Variants in ZNF254 observed in about 807,000 individuals in gnomAD.
ZNF254 encodes zinc finger protein 254.
A neutral mutation model predicts 12.4 loss-of-function variants in ZNF254; 10 were observed. The observed-to-expected ratio is 0.80, with a 90% confidence interval of 0.50 to 1.36. ZNF254 has a LOEUF of 1.36. Among genes scored for constraint, ZNF254 ranks in the 40% most tolerant of loss-of-function variants. The probability of loss-of-function intolerance (pLI) is 0.00; values close to 1 mark genes in which losing one functional copy is unlikely to be tolerated. For missense variants in ZNF254, 996 were observed against 763.9 expected (o/e 1.30, Z -3.58); for synonymous variants, 305 against 253.4 (o/e 1.20, Z -1.93).
At chr19:24,069,491 G>A (rs968150962) in intron 2 of ZNF254, among the ~76,000 whole-genome samples, 1 of 149,550 alleles carries the variant, frequency 6.7e-6, no homozygotes. Flanking sequence ...TCTAATCCCA[G>A]CTACTCAGGA....
chr19:24,121,427 C>T (rs924552069), intron 3 of ZNF254, among the ~76,000 whole-genome samples: 1 of 152,140 alleles, frequency 6.6e-6, no homozygotes, highest in African/African-American at 2.4e-5. Flanking sequence ...TAGTATATAT[C>T]ATAATTGTGC....
intron 1 of ZNF254, among the ~76,000 whole-genome samples, chr19:24,037,397 C>T (rs1424335508): frequency 6.6e-6 from 1 of 152,160 alleles, no homozygotes; most frequent in Non-Finnish European, 1.5e-5. Flanking sequence ...CTTTCCTTTT[C>T]TTAAAGCATT....
chr19:24,127,951 A>G lies in ZNF254; in HGVS notation c.1951A>G (p.Thr651Ala), dbSNP rs1975018966. 1 of 1,570,430 alleles carries G rather than the reference A, an allele frequency of 6.4e-7. No homozygotes were observed. Among genetic ancestry groups the G allele is most frequent in the Non-Finnish European group, 8.6e-7 (1 of 1,163,680 alleles). ...CTCGCACCTCACCACAGATAAGATA[A>G]CTCATTGGAGAGAAATCTTACAAGT... The part of the protein sequence containing the change: ...RSSHLTTDKI[T>A]HWREILQV The change falls in exon 4 of 4, where the codon ACT becomes GCT. Residue 651 changes from threonine to alanine, a missense_variant. Coordinates refer to ENST00000357002, the MANE Select transcript of ZNF254 (RefSeq NM_203282.4).
At chr19:24,115,706 A>G (rs1235826536) in intron 3 of ZNF254, among the ~76,000 whole-genome samples, 1 of 152,104 alleles carries the variant, frequency 6.6e-6, no homozygotes, top group Non-Finnish European at 1.5e-5. Context: ...AATAAAGTTA[A>G]TATTGTTATG....
rs755425292 is a variant in ZNF254 at position 24,126,624 on chromosome 19, G to A, written c.624G>A (p.Lys208=). ...ACAAAAGCATTTATCATAGAGAGAA[G>A]TCCTACAAATGTAAAGAATGTGGAA... ...TQHKSIYHRE[K]SYKCKECGKT... is the part of the protein sequence containing the mutation. The change falls in exon 4 of 4, where the codon AAG becomes AAA. Residue 208 remains lysine, a synonymous_variant. Transcript: ENST00000357002. 6 of 1,609,468 alleles carry A rather than the reference G, an allele frequency of 3.7e-6. No homozygotes were observed. The East Asian group carries it at 6.7e-5, about 18-fold the overall frequency.
intron 1 of ZNF254, among the ~76,000 whole-genome samples, chr19:24,040,134 G>A (rs1215769878): frequency 6.6e-6 from 1 of 152,046 alleles, no homozygotes; most frequent in East Asian, 1.9e-4. Context: ...CCAGACCTAT[G>A]CTCTATGAGC....
chr19:24,114,901 G>A (rs1973933610), intron 3 of ZNF254, among the ~76,000 whole-genome samples: 1 of 152,250 alleles, frequency 6.6e-6, no homozygotes, highest in Non-Finnish European at 1.5e-5. Flanking sequence ...AGACATTTAT[G>A]CAGCCAAAAA....
At chr19:24,041,749 G>C (rs1486222500) in intron 1 of ZNF254, among the ~76,000 whole-genome samples, 1 of 152,268 alleles carries the variant, frequency 6.6e-6, no homozygotes, top group Non-Finnish European at 1.5e-5. Context: ...CCCGGTGCGG[G>C]ATCCACTAGG....
In ZNF254 at chr19:24,106,724, G is replaced by A. The variant is rs189833106; in HGVS notation, c.253+81G>A. Reference sequence around the variant, plus strand: ...AAAGCCACTCTTTAAAGTGATTTAAGAAGCTGTGATCCAAAGGAAATAGTT... The same window carrying A: ...AAAGCCACTCTTTAAAGTGATTTAAAAAGCTGTGATCCAAAGGAAATAGTT... On this transcript the variant is annotated intron_variant, in intron 3 of 3. Coordinates refer to ENST00000357002, the MANE Select transcript of ZNF254 (RefSeq NM_203282.4). The A allele has an allele frequency of 1.8e-4, 219 of 1,244,362 alleles. No individual in the cohort carries two copies. In the African/African-American group the frequency reaches 3.2e-3, roughly 18 times the overall value. 77.1% of individuals were successfully genotyped at this position (1,244,362 alleles called of 1,614,324 possible). A position where few individuals can be genotyped will look rare whatever the true frequency, so the allele number is the denominator to read the frequency against.
In ZNF254 at chr19:24,126,653, CCTT is replaced by C; in HGVS notation, c.654_656del (p.Phe219del). ...TACAAATGTAAAGAATGTGGAAAAACCTTTAATTGGTCCTCAACCCTTACTAAT... is the reference window on the plus strand; with the variant it reads ...TACAAATGTAAAGAATGTGGAAAAACTAATTGGTCCTCAACCCTTACTAAT... On this transcript the variant is annotated inframe_deletion, in exon 4 of 4. Coordinates refer to ENST00000357002, the MANE Select transcript of ZNF254 (RefSeq NM_203282.4). 1 of 1,612,016 alleles carries C rather than the reference CCTT, an allele frequency of 6.2e-7. No homozygotes were observed. The highest frequency in any genetic ancestry group is 8.5e-7 in the Non-Finnish European group (1 of 1,179,442).
At chr19:24,098,483 C>CT (rs1358711184) in intron 1 of ZNF254, 4 of 152,148 alleles carry the variant, frequency 2.6e-5, no homozygotes, top group Admixed American at 2.0e-4. Context: ...CCTTCAATGG[C>CT]TAGATGAGCG....
At chr19:24,096,320 A>C (rs1972669594) in intron 1 of ZNF254, among the ~76,000 whole-genome samples, 1 of 151,934 alleles carries the variant, frequency 6.6e-6, no homozygotes, top group Non-Finnish European at 1.5e-5. Context: ...CAGCCTCCCA[A>C]AGTGCTGGGA....
At chr19:24,066,502 A>T (rs1486735282) in intron 2 of ZNF254, 1 of 152,082 alleles carries the variant, frequency 6.6e-6, no homozygotes, top group East Asian at 1.9e-4. Context: ...TGGGTTTAAC[A>T]CTCAGGTGAT....
intron 2 of ZNF254, among the ~76,000 whole-genome samples, chr19:24,060,613 A>G (rs1380591840): frequency 1.3e-5 from 2 of 152,078 alleles, no homozygotes; most frequent in East Asian, 1.9e-4. Flanking sequence ...CGCCTGGTCC[A>G]TGCACACAAA....
At chr19:24,074,982 A>G (rs1971607952) in intron 2 of ZNF254, among the ~76,000 whole-genome samples, 1 of 152,248 alleles carries the variant, frequency 6.6e-6, no homozygotes, top group African/African-American at 2.4e-5. Flanking sequence ...TCTGCCCAAA[A>G]TATGACTCAT....
At chr19:24,060,332 C>T (rs1568432548) in intron 2 of ZNF254, among the ~76,000 whole-genome samples, 1 of 152,176 alleles carries the variant, frequency 6.6e-6, no homozygotes, top group African/African-American at 2.4e-5. Flanking sequence ...CTCTTCTTCA[C>T]AGATTCTGCT....
chr19:24,073,544 C>T (rs1306057663), intron 2 of ZNF254, among the ~76,000 whole-genome samples: 2 of 152,180 alleles, frequency 1.3e-5, no homozygotes, highest in Non-Finnish European at 1.5e-5. Flanking sequence ...CATGCACACC[C>T]AGCCGACAGT....
intron 1 of ZNF254, among the ~76,000 whole-genome samples, chr19:24,035,590 T>A (rs1174543253): frequency 6.6e-6 from 1 of 152,010 alleles, no homozygotes; most frequent in African/African-American, 2.4e-5. Context: ...GGAGAATAAC[T>A]TGAATCTGGG....
At chr19:24,106,697 A>G in intron 3 of ZNF254, 54 bp downstream of exon 3, 1 of 1,409,886 alleles carries the variant, frequency 7.1e-7, no homozygotes, top group South Asian at 1.2e-5. Context: ...AAAGTCAAGA[A>G]GAAAGCCACT....
Sources: gnomAD v4.1 joint callset for allele counts (sites outside exome capture counted in the v4.1 genomes callset) on GRCh38, gnomAD v4.1.1 for gene constraint, MANE v1.5 for transcripts, NCBI Gene and HGNC (gene_info 2026-07-23, HGNC 2026-07-21) for gene names.